The following RSPO2 variants were observed in gnomAD, a reference collection of about 807,000 sequenced individuals.
RSPO2 encodes R-spondin-2.
A neutral mutation model predicts 30.9 loss-of-function variants in RSPO2; 14 were observed. That is an observed-to-expected ratio of 0.45 (90% CI 0.30 to 0.71). The LOEUF is 0.71. Among genes scored for constraint, RSPO2 ranks in the 30% least tolerant of loss-of-function variants. The pLI is 0.08. For missense variants in RSPO2, 264 were observed against 301.9 expected (o/e 0.87, Z 0.93); for synonymous variants, 107 against 96.4 (o/e 1.11, Z -0.64).
chr8:108,016,799 AC>A (rs1810903819), intron 2 of RSPO2, among the ~76,000 whole-genome samples: 1 of 151,838 alleles, frequency 6.6e-6, no homozygotes, highest in Admixed American at 6.6e-5. Flanking sequence ...AGCGTGTGGC[AC>A]CTCTTCCCAA....
Position 107,958,167 on chromosome 8 carries a change from C to A in RSPO2, c.529G>T (p.Val177Phe). 1.2e-6 allele frequency: 2 copies of A among 1,613,808 alleles called. No individual in the cohort carries two copies. Among genetic ancestry groups the A allele is most frequent in the Non-Finnish European group, 1.7e-6 (2 of 1,179,790 alleles). Residue 177 changes from valine to phenylalanine, a missense_variant, in exon 5 of 6, where the codon GTT (valine) becomes TTT (phenylalanine). Physicochemically the swap from Val to Phe is conservative, Grantham distance 50. Coordinates refer to ENST00000276659, the MANE Select transcript of RSPO2 (RefSeq NM_178565.5). ...WGLETRTRQI[V>F]KKPVKDTILC... is the part of the protein sequence containing the mutation. Reference sequence around the variant, plus strand: ...ATTGTGTCTTTCACTGGCTTTTTAACAATTTGCCGTGTTCTGGTTTCCAGA... The same window carrying A: ...ATTGTGTCTTTCACTGGCTTTTTAAAAATTTGCCGTGTTCTGGTTTCCAGA...
chr8:107,994,936 C>T (rs76126339), intron 2 of RSPO2, among the ~76,000 whole-genome samples: 4,110 of 151,518 alleles, frequency 0.027, 147 homozygotes, highest in African/African-American at 0.081. Context: ...TAGCAACTTG[C>T]AGCAAATCTA....
chr8:108,016,101 G>A (rs1018510851), intron 2 of RSPO2, among the ~76,000 whole-genome samples: 7 of 152,136 alleles, frequency 4.6e-5, no homozygotes, highest in Non-Finnish European at 7.3e-5. Context: ...CTGGGAAAGA[G>A]GATATGGCTA....
At position 107,958,117 on chromosome 8, in the gene RSPO2, G is replaced by A; in HGVS notation, c.579C>T (p.Ser193=). ...GCCTCATTGTCATCTTGCATCTCCT[G>A]GATTCAGCAATGGTTGGACACAGTA... ...DTILCPTIAE[S]RRCKMTMRHC... The change falls in exon 5 of 6, where the codon TCC becomes TCT. Residue 193 remains serine (S), a synonymous_variant. Transcript: ENST00000276659. The A allele has an allele frequency of 6.2e-7, 1 of 1,613,600 alleles. No individual in the cohort carries two copies. The highest frequency in any genetic ancestry group is 2.2e-5 in the East Asian group (1 of 44,868).
intron 5 of RSPO2, among the ~76,000 whole-genome samples, chr8:107,948,866 A>AATAAAT (rs1554575498): frequency 2.1e-5 from 3 of 145,798 alleles, no homozygotes; most frequent in African/African-American, 5.0e-5. Context: ...TCTCAAAAAA[A>AATAAAT]AAATAAATAA....
chr8:107,952,274 A>C (rs1563536215), intron 5 of RSPO2, among the ~76,000 whole-genome samples: 1 of 119,496 alleles, frequency 8.4e-6, no homozygotes, highest in Non-Finnish European at 1.8e-5. Flanking sequence ...AATCACTTAA[A>C]ACACACACAC....
At chr8:107,983,248 A>G (rs2130508026) in intron 3 of RSPO2, 2 of 1,585,384 alleles carry the variant, frequency 1.3e-6, no homozygotes, top group Admixed American at 1.8e-5. Context: ...TTCTGAAGCT[A>G]TGAAGCTGAC....
intron 2 of RSPO2, among the ~76,000 whole-genome samples, chr8:108,019,441 T>C (rs898031073): frequency 1.3e-5 from 2 of 152,124 alleles, no homozygotes; most frequent in Non-Finnish European, 2.9e-5. Context: ...CCCATTTCTA[T>C]GTTTATCTGA....
chr8:108,048,872 T>C (rs1428132400), intron 2 of RSPO2, among the ~76,000 whole-genome samples: 2 of 152,218 alleles, frequency 1.3e-5, no homozygotes, highest in Non-Finnish European at 2.9e-5. Context: ...CATTGTGTCT[T>C]TGTTCCCATT....
At chr8:107,923,872 T>C (rs1261606959) in intron 5 of RSPO2, among the ~76,000 whole-genome samples, 1 of 151,990 alleles carries the variant, frequency 6.6e-6, no homozygotes, top group East Asian at 1.9e-4. Flanking sequence ...TTCTCAATTA[T>C]AAGTGGGAGC....
At chr8:108,079,632 CAT>C (rs891875503) in intron 2 of RSPO2, among the ~76,000 whole-genome samples, 17 of 150,488 alleles carry the variant, frequency 1.1e-4, no homozygotes, top group Middle Eastern at 6.9e-3. Context: ...GCAGACTAAA[CAT>C]AATGCCAAAG....
intron 2 of RSPO2, among the ~76,000 whole-genome samples, chr8:108,000,053 A>G (rs528568095): frequency 3.3e-5 from 5 of 152,320 alleles, no homozygotes; most frequent in Non-Finnish European, 5.9e-5. Flanking sequence ...GATTTAATTA[A>G]GACGTCACAG....
At chr8:107,965,201 G>A (rs1443122784) in intron 3 of RSPO2, among the ~76,000 whole-genome samples, 1 of 152,100 alleles carries the variant, frequency 6.6e-6, no homozygotes, top group East Asian at 1.9e-4. Flanking sequence ...CTAAATTACA[G>A]TGCCTCCTCA....
rs16877068 is a variant in RSPO2 at position 108,000,292 on chromosome 8, G to T, written c.95-11048C>A. Among the ~76,000 whole-genome samples, 613 of 152,070 alleles carry T rather than the reference G, an allele frequency of 4.0e-3. 4 individuals carry two copies. Among genetic ancestry groups the T allele is most frequent in the African/African-American group, 0.013 (544 of 41,492 alleles). On this transcript the variant is annotated intron_variant, in intron 2 of 5. Coordinates refer to ENST00000276659, the MANE Select transcript of RSPO2 (RefSeq NM_178565.5). ...GATACAGACCAAAGCAAATAATCAC[G>T]GTGGTCATCAGAAGAAAAATAACTT...
intron 5 of RSPO2, among the ~76,000 whole-genome samples, chr8:107,941,232 G>A (rs1378974396): frequency 1.3e-5 from 2 of 151,980 alleles, no homozygotes; most frequent in Non-Finnish European, 2.9e-5. Flanking sequence ...CCAGAAATGA[G>A]GCTCAGAACA....
At chr8:107,960,566 A>C in intron 4 of RSPO2, 108 bp downstream of exon 4, 2 of 1,078,822 alleles carry the variant, frequency 1.9e-6, no homozygotes, top group Admixed American at 2.3e-5. Flanking sequence ...CTACTGAACA[A>C]GAGAACCAAT....
chr8:108,029,798 C>T (rs776341022), intron 2 of RSPO2, among the ~76,000 whole-genome samples: 1 of 152,156 alleles, frequency 6.6e-6, no homozygotes, highest in Non-Finnish European at 1.5e-5. Flanking sequence ...GTTATTACAG[C>T]TTGAAATGAG....
chr8:107,906,006 C>T (rs1811627977), intron 5 of RSPO2, among the ~76,000 whole-genome samples: 1 of 151,808 alleles, frequency 6.6e-6, no homozygotes, highest in African/African-American at 2.4e-5. Flanking sequence ...AGATGAGATG[C>T]CACTACAAAG....
chr8:107,983,044 T>TC (rs2130507293), intron 3 of RSPO2: 1 of 1,100,568 alleles, frequency 9.1e-7, no homozygotes, highest in East Asian at 2.5e-5. Flanking sequence ...TGTGTCACGC[T>TC]CCCCTGCAGT....
Sources: gnomAD v4.1 joint callset for allele counts (sites outside exome capture counted in the v4.1 genomes callset) on GRCh38, gnomAD v4.1.1 for gene constraint, MANE v1.5 for transcripts, NCBI Gene and HGNC (gene_info 2026-07-23, HGNC 2026-07-21) for gene names.